Variants in ATP6V0A2 observed in about 807,000 individuals in gnomAD.
ATP6V0A2 encodes V-type proton ATPase 116 kDa subunit a 2.
Under a neutral mutation model 104.4 loss-of-function variants are expected in ATP6V0A2, and 58 were observed. The observed-to-expected ratio is 0.56, with a 90% confidence interval of 0.45 to 0.69. ATP6V0A2 has a LOEUF of 0.69. Ranked by LOEUF, ATP6V0A2 falls within the 30% of genes least tolerant of loss-of-function variation. The probability of loss-of-function intolerance (pLI) is 0.00; values close to 1 mark genes in which losing one functional copy is unlikely to be tolerated. For missense variants in ATP6V0A2, 938 were observed against 1,062.9 expected, an observed-to-expected ratio of 0.88 and a Z score of 1.63; for synonymous variants, 376 against 397.9, an observed-to-expected ratio of 0.95 and a Z score of 0.65.
chr12:123,752,596 G>A (rs1436371145), intron 17 of ATP6V0A2, among the ~76,000 whole-genome samples, 194 bp downstream of exon 17: 1 of 152,110 alleles, frequency 6.6e-6, no homozygotes, highest in African/African-American at 2.4e-5. Context: ...TATGAGTTCG[G>A]GTCATTTTGT....
chr12:123,717,161 A>C (rs1338627561), intron 1 of ATP6V0A2, among the ~76,000 whole-genome samples: 1 of 151,708 alleles, frequency 6.6e-6, no homozygotes, highest in Non-Finnish European at 1.5e-5. Context: ...CTAAAAATAC[A>C]AAAATTAGCC....
At chr12:123,726,659 C>T (rs1475355177) in intron 5 of ATP6V0A2, among the ~76,000 whole-genome samples, 1 of 152,198 alleles carries the variant, frequency 6.6e-6, no homozygotes, top group African/African-American at 2.4e-5. Context: ...TAAAGATCTC[C>T]TGCTGCTGTT....
At chr12:123,735,429 G>T in intron 7 of ATP6V0A2, 102 bp from the exon 8 acceptor site, 1 of 1,087,324 alleles carries the variant, frequency 9.2e-7, no homozygotes, top group Non-Finnish European at 1.4e-6. Flanking sequence ...TCTCCCAAAC[G>T]GCTGCTTTCA....
chr12:123,752,249 A>G (rs1255852361), intron 16 of ATP6V0A2, 34 bp from the exon 17 acceptor site: 1 of 1,613,830 alleles, frequency 6.2e-7, no homozygotes, highest in Admixed American at 1.7e-5. Context: ...TTGTGGTTTT[A>G]CAGGCACTGA....
At chr12:123,745,041 G>A (rs1158667059) in intron 13 of ATP6V0A2, 69 bp downstream of exon 13, 9 of 1,451,766 alleles carry the variant, frequency 6.2e-6, no homozygotes, top group Non-Finnish European at 8.7e-6. Flanking sequence ...GGCGCCACGA[G>A]TTTCTCTAGA....
intron 2 of ATP6V0A2, among the ~76,000 whole-genome samples, chr12:123,722,035 T>C (rs1956404966): frequency 6.6e-6 from 1 of 152,096 alleles, no homozygotes; most frequent in Non-Finnish European, 1.5e-5. Context: ...ATATTAGAAA[T>C]GAAAAAAATG....
chr12:123,758,112 A>G lies in ATP6V0A2; in HGVS notation c.*80A>G, dbSNP rs1956782243. 9.5e-7 allele frequency: 1 copy of G among 1,049,610 alleles called. No homozygotes were observed. Among genetic ancestry groups the G allele is most frequent in the Non-Finnish European group, 1.5e-6 (1 of 680,206 alleles). 65.0% of individuals were successfully genotyped at this position (1,049,610 alleles called of 1,614,324 possible). A position where few individuals can be genotyped will look rare whatever the true frequency, so the allele number is the denominator to read the frequency against. On this transcript the variant is annotated 3_prime_UTR_variant, in exon 20 of 20. Coordinates refer to ENST00000330342, the MANE Select transcript of ATP6V0A2 (RefSeq NM_012463.4). Reference sequence around the variant, plus strand: ...GACTTTCACTTATGTCAGATTTATGATAGGAAAAATTCCATCTTCATTACT... The same window carrying G: ...GACTTTCACTTATGTCAGATTTATGGTAGGAAAAATTCCATCTTCATTACT...
chr12:123,739,893 GT>G, intron 9 of ATP6V0A2, among the ~76,000 whole-genome samples: 1 of 152,178 alleles, frequency 6.6e-6, no homozygotes, highest in South Asian at 2.1e-4. Context: ...AATTCATGTG[GT>G]TTTTTAGTTT....
Position 123,741,008 on chromosome 12 carries a change from G to A in ATP6V0A2, c.1039-2777G>A, listed in dbSNP as rs186623105. Among the ~76,000 whole-genome samples, 95 of 151,456 alleles carry A rather than the reference G, an allele frequency of 6.3e-4. 1 individual carries two copies. Among genetic ancestry groups the A allele is most frequent in the Admixed American group, 6.2e-3 (95 of 15,236 alleles). ...ACAGTAAGTTACAATGGTTTTATTTGTTTTGTGGACATTCTTTCTGGCATC... is the reference window on the plus strand; with the variant it reads ...ACAGTAAGTTACAATGGTTTTATTTATTTTGTGGACATTCTTTCTGGCATC... On this transcript the variant is annotated intron_variant, in intron 9 of 19. Transcript: ENST00000330342.
At chr12:123,724,528 C>CAA (rs796749108) in intron 3 of ATP6V0A2, 126 bp from the exon 4 acceptor site, 2,027 of 776,000 alleles carry the variant, frequency 2.6e-3, no homozygotes, top group Non-Finnish European at 3.0e-3. Context: ...GACTCCATCT[C>CAA]AAAAAAAAAA....
rs1046844500 is a variant in ATP6V0A2 at position 123,760,987 on chromosome 12, A to G, written c.*2955A>G. 2 of 152,134 alleles carry G rather than the reference A, an allele frequency of 1.3e-5. No homozygotes were observed. The highest frequency in any genetic ancestry group is 4.8e-5 in the African/African-American group (2 of 41,408). 9.4% of individuals were successfully genotyped at this position (152,134 alleles called of 1,614,324 possible). A position where few individuals can be genotyped will look rare whatever the true frequency, so the allele number is the denominator to read the frequency against. On this transcript the variant is annotated 3_prime_UTR_variant, in exon 20 of 20. Transcript: ENST00000330342. The stretch of plus-strand genomic sequence containing the variant: ...AGTGGTGCAGTCTCGGCTCACTGCA[A>G]CCTCTGCCTCCTGGGTTTAAGCAAT...
intron 18 of ATP6V0A2, chr12:123,754,879 C>T (rs1956748804): frequency 6.0e-6 from 2 of 330,856 alleles, no homozygotes; most frequent in East Asian, 6.1e-5. Context: ...ATTACTGTTT[C>T]TGTTAGTAGT....
chr12:123,735,811 T>C (rs1298382677), intron 8 of ATP6V0A2, among the ~76,000 whole-genome samples, 187 bp downstream of exon 8: 1 of 152,190 alleles, frequency 6.6e-6, no homozygotes, highest in Non-Finnish European at 1.5e-5. Context: ...GTTAGGAACC[T>C]GAGTAGTAAT....
chr12:123,733,650 G>A (rs944126976), intron 6 of ATP6V0A2: 13 of 459,656 alleles, frequency 2.8e-5, no homozygotes, highest in Non-Finnish European at 4.4e-5. Flanking sequence ...GCAGAGATGG[G>A]AAGGGAGAGC....
At chr12:123,748,843 T>G (rs1956688049) in intron 15 of ATP6V0A2, 58 bp downstream of exon 15, 1 of 1,506,628 alleles carries the variant, frequency 6.6e-7, no homozygotes, top group Non-Finnish European at 9.2e-7. Flanking sequence ...AGTCTTTTAT[T>G]CTGAGCAGTA....
At chr12:123,734,069 C>T (rs1057310260) in intron 7 of ATP6V0A2, 61 bp downstream of exon 7, 1 of 1,322,806 alleles carries the variant, frequency 7.6e-7, no homozygotes. Context: ...TCTAGTTTTC[C>T]TTCAACATCC....
Position 123,712,486 on chromosome 12 carries a change from G to C in ATP6V0A2, c.-80G>C. ...ACAGGAAGAGCTCGAGGCCCGGGCC[G>C]CACCGGCTGAGTGTGCGGGCCCGCG... On this transcript the variant is annotated 5_prime_UTR_variant, in exon 1 of 20. Transcript: ENST00000330342. The C allele has an allele frequency of 9.8e-6, 9 of 914,880 alleles. No individual in the cohort carries two copies. In the South Asian group the frequency reaches 1.5e-4, roughly 15 times the overall value. 56.7% of individuals were successfully genotyped at this position (914,880 alleles called of 1,614,324 possible).
intron 13 of ATP6V0A2, among the ~76,000 whole-genome samples, chr12:123,746,530 T>C (rs1162133814): frequency 1.3e-5 from 2 of 150,532 alleles, no homozygotes; most frequent in East Asian, 3.9e-4. Context: ...TGGTCCCAGC[T>C]TCTCGGAAGG....
intron 6 of ATP6V0A2, chr12:123,733,506 C>A: frequency 4.6e-6 from 1 of 217,832 alleles, no homozygotes; most frequent in Non-Finnish European, 9.2e-6. Flanking sequence ...CTGTCTTGTG[C>A]TCAGGACACC....
Sources: allele counts gnomAD v4.1 joint callset (sites outside exome capture counted in the v4.1 genomes callset), GRCh38; gene constraint gnomAD v4.1.1; transcripts MANE v1.5; gene names NCBI Gene and HGNC (gene_info 2026-07-23, HGNC 2026-07-21).